The following GON4L variants were observed in gnomAD, a reference collection of about 807,000 sequenced individuals.
GON4L encodes the protein GON-4-like protein.
In GON4L, 87 loss-of-function variants were observed where a neutral mutation model predicts 211.8. The ratio of observed to expected loss-of-function variants is 0.41; its 90% CI spans 0.35 to 0.49. GON4L has a LOEUF of 0.49. Ranked by LOEUF, GON4L falls within the 20% of genes least tolerant of loss-of-function variation. The pLI, the probability that GON4L is intolerant of heterozygous loss-of-function variation, is 0.15. For synonymous variants in GON4L, 875 were observed against 962.6 expected, an observed-to-expected ratio of 0.91 and a Z score of 1.68; for missense variants, 2,155 against 2,659.5, an observed-to-expected ratio of 0.81 and a Z score of 4.17.
At chr1:155,852,931 G>A (rs1013787363) in intron 2 of GON4L, among the ~76,000 whole-genome samples, 6 of 152,014 alleles carry the variant, frequency 3.9e-5, no homozygotes, top group Admixed American at 3.9e-4. Flanking sequence ...TGACCAACAT[G>A]GTGAAACCCC....
chr1:155,772,966 G>GT, intron 18 of GON4L, 100 bp downstream of exon 18: 1 of 1,464,804 alleles, frequency 6.8e-7, no homozygotes, highest in African/African-American at 1.4e-5. Flanking sequence ...TTGTGTCCGT[G>GT]TCTTATTATA....
intron 21 of GON4L, chr1:155,764,519 A>G: frequency 1.0e-5 from 3 of 297,302 alleles, no homozygotes; most frequent in South Asian, 9.4e-5. Flanking sequence ...GGCTCACTGC[A>G]ACCTCTGTCT....
Position 155,773,083 on chromosome 1 carries a change from G to A in GON4L, c.2478C>T (p.Phe826=). Residue 826 remains phenylalanine (F), a synonymous_variant, in exon 18 of 32, where the codon TTC becomes TTT. Transcript: ENST00000368331. ...KAKNPQDKIV[F]TKAEDNLLAL... is the part of the protein sequence containing the mutation. ...ACACTTACTTGTCCTCAGCCTTGGT[G>A]AAGACGATCTTATCCTGGGGATTCT... 2 of 1,612,282 alleles carry A rather than the reference G, an allele frequency of 1.2e-6. No homozygotes were observed.
chr1:155,848,481 A>G (rs1671460273), intron 2 of GON4L, among the ~76,000 whole-genome samples: 2 of 152,242 alleles, frequency 1.3e-5, no homozygotes, highest in South Asian at 4.1e-4. Flanking sequence ...AAGGCTCTCC[A>G]TAATCTGGAT....
chr1:155,798,214 T>TGG (rs1353743479), intron 11 of GON4L, among the ~76,000 whole-genome samples: 2 of 150,522 alleles, frequency 1.3e-5, no homozygotes, highest in African/African-American at 4.9e-5. Context: ...TGATAATTCT[T>TGG]TACTCAACAT....
chr1:155,816,556 T>C (rs1668255669), intron 6 of GON4L, among the ~76,000 whole-genome samples: 1 of 152,210 alleles, frequency 6.6e-6, no homozygotes, highest in South Asian at 2.1e-4. Flanking sequence ...AGCTGCGGTT[T>C]ACATGGAACA....
At chr1:155,853,215 GA>G in intron 2 of GON4L, 60 bp downstream of exon 2, 1 of 1,370,816 alleles carries the variant, frequency 7.3e-7, no homozygotes, top group East Asian at 2.3e-5. Context: ...AAGGTATCCA[GA>G]AATAGCAATG....
chr1:155,770,887 A>G (rs972996710), intron 19 of GON4L, among the ~76,000 whole-genome samples, 180 bp downstream of exon 19: 1 of 152,192 alleles, frequency 6.6e-6, no homozygotes, highest in African/African-American at 2.4e-5. Flanking sequence ...CAAAAAGCAA[A>G]TAAGTGGAAT....
chr1:155,748,722 C>G, downstream of GON4L: 2 of 1,614,116 alleles, frequency 1.2e-6, no homozygotes, highest in Non-Finnish European at 1.7e-6. Flanking sequence ...ATGTGGGGAG[C>G]CTTCTGGAAC....
At chr1:155,760,423 T>A in intron 24 of GON4L, 21 bp downstream of exon 24, 1 of 1,507,624 alleles carries the variant, frequency 6.6e-7, no homozygotes. Context: ...CCCAGTGTAC[T>A]TTTTTTCCCC....
chr1:155,762,836 T>C (rs1041054838), intron 22 of GON4L, among the ~76,000 whole-genome samples: 8 of 152,012 alleles, frequency 5.3e-5, no homozygotes, highest in Non-Finnish European at 7.4e-5. Context: ...AGGAGTTCGA[T>C]ACCAGCCTGA....
chr1:155,752,060 C>T lies in GON4L; in HGVS notation c.6373G>A (p.Gly2125Ser). ...LAKDSGTQAK[G>S]PEGEQQPKAA... ...TTTGGCTGCTGCTCCCCCTCTGGACCCTTGGCCTGTGTTCCACTGTCTTTA... is the reference window on the plus strand; with the variant it reads ...TTTGGCTGCTGCTCCCCCTCTGGACTCTTGGCCTGTGTTCCACTGTCTTTA... Residue 2125 changes from glycine to serine, a missense_variant, in exon 30 of 32, where the codon GGT (glycine) becomes AGT (serine). Physicochemically the swap from Gly to Ser is moderately conservative, Grantham distance 56 (BLOSUM62 0). Around this residue, in one of 6 missense-constraint regions of GON4L, gnomAD observed 186 missense variants for 308.1 expected, o/e 0.60. Coordinates refer to ENST00000368331, the MANE Select transcript of GON4L (RefSeq NM_001282860.2). 3.1e-6 allele frequency: 5 copies of T among 1,613,766 alleles called. No individual in the cohort carries two copies. Among genetic ancestry groups the T allele is most frequent in the Non-Finnish European group, 4.2e-6 (5 of 1,179,722 alleles).
At chr1:155,759,958 T>TTATATATTATATATATATATATATGA (rs1661601799) in intron 24 of GON4L, among the ~76,000 whole-genome samples, 1 of 136,174 alleles carries the variant, frequency 7.3e-6, no homozygotes, top group Non-Finnish European at 1.5e-5. Context: ...AATTTATATT[T>TTATATATTATATATATATATATATGA]TATATATTAT....
At chr1:155,828,725 T>C (rs1669454082) in intron 2 of GON4L, among the ~76,000 whole-genome samples, 1 of 151,170 alleles carries the variant, frequency 6.6e-6, no homozygotes, top group African/African-American at 2.4e-5. Context: ...GGAGAACTGC[T>C]TGAACCCAGG....
At chr1:155,793,599 A>T (rs1411591998) in intron 12 of GON4L, among the ~76,000 whole-genome samples, 1 of 152,132 alleles carries the variant, frequency 6.6e-6, no homozygotes, top group Non-Finnish European at 1.5e-5. Context: ...TATGCTTGAC[A>T]CACTAGCCAA....
At chr1:155,836,248 CG>C (rs1670287807) in intron 2 of GON4L, among the ~76,000 whole-genome samples, 1 of 84,818 alleles carries the variant, frequency 1.2e-5, no homozygotes, top group African/African-American at 4.8e-5. Context: ...GTTTTGTTTT[CG>C]TTTTTTTTTT....
chr1:155,761,263 C>T (rs1403880804), intron 23 of GON4L, among the ~76,000 whole-genome samples: 4 of 145,346 alleles, frequency 2.8e-5, no homozygotes, highest in South Asian at 4.4e-4. Context: ...TCACTGCAGT[C>T]TCAACCACCT....
chr1:155,747,112 T>C, downstream of GON4L: 1 of 1,605,284 alleles, frequency 6.2e-7, no homozygotes, highest in Non-Finnish European at 8.5e-7. Flanking sequence ...AATGTCGATT[T>C]TTCTGACCCC....
Position 155,765,652 on chromosome 1 carries a change from G to A in GON4L, c.3821C>T (p.Ala1274Val). Reference sequence around the variant, plus strand: ...CAATCCTTCTTGGCACTCTGCATCTGCTAGTGGAGGCCCTGGGCTATGTTC... The same window carrying A: ...CAATCCTTCTTGGCACTCTGCATCTACTAGTGGAGGCCCTGGGCTATGTTC... The part of the protein sequence containing the change: ...KVEHSPGPPL[A>V]DAECQEGLSE... The change falls in exon 21 of 32, where the codon GCA becomes GTA. Residue 1274 changes from alanine to valine, a missense_variant. Ala to Val is a moderately conservative substitution (Grantham distance 64, BLOSUM62 0). Coordinates refer to ENST00000368331, the MANE Select transcript of GON4L (RefSeq NM_001282860.2). The A allele has an allele frequency of 1.2e-6, 2 of 1,614,192 alleles. No individual in the cohort carries two copies. The highest frequency in any genetic ancestry group is 1.7e-6 in the Non-Finnish European group (2 of 1,180,040).
Sources: gnomAD v4.1 joint callset for allele counts (sites outside exome capture counted in the v4.1 genomes callset) on GRCh38, gnomAD v4.1.1 for gene constraint, gnomAD v4.1.1 regional missense constraint, MANE v1.5 for transcripts, NCBI Gene and HGNC (gene_info 2026-07-23, HGNC 2026-07-21) for gene names.